VPS26C: variants seen among roughly 807,000 people sequenced by gnomAD.
VPS26C encodes VPS26 endosomal protein sorting factor C.
Under a neutral mutation model 30.6 loss-of-function variants are expected in VPS26C, and 19 were observed. The observed-to-expected ratio is 0.62, with a 90% confidence interval of 0.43 to 0.91. VPS26C has a LOEUF of 0.91. Ranked by LOEUF, VPS26C falls within the 40% of genes least tolerant of loss-of-function variation. The pLI is 0.00. For missense variants in VPS26C, 318 were observed against 385.1 expected, an observed-to-expected ratio of 0.83 and a Z score of 1.46; for synonymous variants, 132 against 151.5, an observed-to-expected ratio of 0.87 and a Z score of 0.95.
At chr21:37,267,516 C>T (rs932385575), upstream of VPS26C, 7 of 580,070 alleles carry the variant, frequency 1.2e-5, no homozygotes, top group Non-Finnish European at 2.1e-5. Flanking sequence ...GGCCGAAGCG[C>T]TGTCACGGTT....
intron 3 of VPS26C, among the ~76,000 whole-genome samples, chr21:37,235,923 A>G (rs2086019458): frequency 6.9e-6 from 1 of 145,768 alleles, no homozygotes. Context: ...GAGATGAGGT[A>G]TTGCTATGTT....
chr21:37,241,765 C>T (rs1602273297), intron 1 of VPS26C, among the ~76,000 whole-genome samples: 1 of 152,090 alleles, frequency 6.6e-6, no homozygotes, highest in Admixed American at 6.6e-5. Context: ...GAGGCTGCAG[C>T]GAGCTGTGAC....
At chr21:37,232,245 T>C (rs2085972243) in intron 5 of VPS26C, 132 bp downstream of exon 5, 3 of 734,328 alleles carry the variant, frequency 4.1e-6, no homozygotes, top group African/African-American at 3.5e-5. Context: ...ACTGAGTAAT[T>C]TGGGTACAAT....
intron 3 of VPS26C, among the ~76,000 whole-genome samples, chr21:37,236,268 T>G (rs1281677927): frequency 6.6e-6 from 1 of 152,196 alleles, no homozygotes; most frequent in Admixed American, 6.5e-5. Context: ...GGCTGGCCTG[T>G]GTGACCACAG....
intron 1 of VPS26C, among the ~76,000 whole-genome samples, chr21:37,250,260 A>G (rs1329315482): frequency 6.6e-6 from 1 of 151,986 alleles, no homozygotes; most frequent in Non-Finnish European, 1.5e-5. Flanking sequence ...AGCTGAGATC[A>G]CGCCACTGCA....
At chr21:37,228,825 A>G (rs1359897793) in intron 5 of VPS26C, 1 of 158,656 alleles carries the variant, frequency 6.3e-6, no homozygotes, top group African/African-American at 2.4e-5. Context: ...TGAGGCCAGG[A>G]GTTCAAGAAC....
chr21:37,262,888 C>T (rs1330957048), intron 1 of VPS26C, among the ~76,000 whole-genome samples: 2 of 151,942 alleles, frequency 1.3e-5, no homozygotes, highest in Non-Finnish European at 2.9e-5. Flanking sequence ...AAACCTCAGC[C>T]TCCCAAGTAG....
At chr21:37,228,501 A>C (rs2085928349) in intron 5 of VPS26C, 128 bp from the exon 6 acceptor site, 2 of 1,019,688 alleles carry the variant, frequency 2.0e-6, no homozygotes, top group Non-Finnish European at 2.8e-6. Flanking sequence ...ACCGTCTCAC[A>C]AAACGGGAAG....
intron 1 of VPS26C, among the ~76,000 whole-genome samples, chr21:37,259,757 C>T (rs1331418287): frequency 6.6e-6 from 1 of 152,158 alleles, no homozygotes; most frequent in Non-Finnish European, 1.5e-5. Context: ...ACTCTCCTTC[C>T]TCCAAGCAGA....
intron 1 of VPS26C, among the ~76,000 whole-genome samples, chr21:37,245,910 G>GA (rs2086133911): frequency 1.3e-5 from 2 of 152,010 alleles, no homozygotes; most frequent in Middle Eastern, 3.4e-3. Context: ...GAAGTAAAAG[G>GA]AAAAAATCAA....
At chr21:37,259,367 A>G (rs887305057) in intron 1 of VPS26C, among the ~76,000 whole-genome samples, 2 of 152,162 alleles carry the variant, frequency 1.3e-5, no homozygotes, top group African/African-American at 4.8e-5. Context: ...CTCAGTCCAC[A>G]GTGTATAAAT....
At chr21:37,253,825 T>A (rs1305706601) in intron 1 of VPS26C, among the ~76,000 whole-genome samples, 1 of 152,196 alleles carries the variant, frequency 6.6e-6, no homozygotes, top group Admixed American at 6.5e-5. Context: ...CACTGGAGCA[T>A]TTCGGATTCT....
At position 37,257,423 on chromosome 21, in the gene VPS26C, C is replaced by A. The variant is rs972418159; in HGVS notation, c.57+9815G>T. Among the ~76,000 whole-genome samples the A allele has an allele frequency of 2.6e-5, 4 of 152,146 alleles. No homozygotes were observed. Among genetic ancestry groups the A allele is most frequent in the Admixed American group, 2.6e-4 (4 of 15,286 alleles). On this transcript the variant is annotated intron_variant, in intron 1 of 7. Coordinates refer to ENST00000309117, the MANE Select transcript of VPS26C (RefSeq NM_006052.2). This position sits in a 1 kb window ranked among gnomAD's most constrained non-coding sequence, Gnocchi z 4.2. ...GGCCTGTGTGCTCTCGGGGAGGGGA[C>A]GCAGGTCAGCCCACCTAGCCGATGG...
At chr21:37,247,459 G>T (rs181710558) in intron 1 of VPS26C, among the ~76,000 whole-genome samples, 88 of 152,278 alleles carry the variant, frequency 5.8e-4, no homozygotes, top group African/African-American at 2.0e-3. Flanking sequence ...AAGGGTAACA[G>T]TTAAAACAAA....
In VPS26C at chr21:37,225,094, C is replaced by T. The variant is rs144124849; in HGVS notation, c.*450G>A. 1.4e-3 allele frequency: 249 copies of T among 173,342 alleles called. 2 individuals are homozygous for T. Among genetic ancestry groups the T allele is most frequent in the African/African-American group, 5.2e-3 (223 of 42,588 alleles). 10.7% of individuals were successfully genotyped at this position (173,342 alleles called of 1,614,324 possible). On this transcript the variant is annotated 3_prime_UTR_variant, in exon 8 of 8. Transcript: ENST00000309117. Reference sequence around the variant, plus strand: ...CTGCAAACTTCCTGACCATCAAGTGCGCTTGCAGCCATCCTGGATGTCAAC... The same window carrying T: ...CTGCAAACTTCCTGACCATCAAGTGTGCTTGCAGCCATCCTGGATGTCAAC...
At chr21:37,241,903 T>G (rs2086091756) in intron 1 of VPS26C, among the ~76,000 whole-genome samples, 1 of 152,260 alleles carries the variant, frequency 6.6e-6, no homozygotes, top group South Asian at 2.1e-4. Context: ...TAAATCTGCT[T>G]ATCTTTTATT....
At chr21:37,266,188 T>G (rs9984898) in intron 1 of VPS26C, among the ~76,000 whole-genome samples, 135,792 of 152,078 alleles carry the variant, frequency 0.89, 60,838 homozygotes, top group East Asian at 0.99. Flanking sequence ...AAAGTGCTGG[T>G]AATACAAGCG....
At chr21:37,240,467 A>C in intron 2 of VPS26C, 29 bp downstream of exon 2, 1 of 1,612,756 alleles carries the variant, frequency 6.2e-7, no homozygotes, top group Non-Finnish European at 8.5e-7. Context: ...ATTGAACTAA[A>C]AACTTGCAAT....
chr21:37,228,280 T>C lies in VPS26C; in HGVS notation c.601A>G (p.Ser201Gly), dbSNP rs148281641. The C allele has an allele frequency of 1.1e-4, 171 of 1,614,068 alleles. 1 individual carries two copies. The Admixed American group carries it at 2.5e-3, about 24-fold the overall frequency. ...QPLTGELVVE[S>G]SEAAIRSVEL... is the part of the protein sequence containing the mutation. ...ACGCTTCTGATGGCGGCTTCCGAGC[T>C]CTCCACCACCAGCTCTCCCGTTAGT... Residue 201 changes from serine (S) to glycine (G), a missense_variant, in exon 6 of 8, where the codon AGC (serine) becomes GGC (glycine). Physicochemically the swap from Ser to Gly is moderately conservative, Grantham distance 56. Coordinates refer to ENST00000309117, the MANE Select transcript of VPS26C (RefSeq NM_006052.2).
Sources: allele counts gnomAD v4.1 joint callset (sites outside exome capture counted in the v4.1 genomes callset), GRCh38; gene constraint gnomAD v4.1.1; non-coding constraint Gnocchi (gnomAD v3.1); transcripts MANE v1.5; gene names NCBI Gene and HGNC (gene_info 2026-07-23, HGNC 2026-07-21).